Variants in FAM228B observed in about 807,000 individuals in gnomAD.
The protein encoded by FAM228B is family with sequence similarity 228 member B, also known as protein FAM228B.
In FAM228B, 38 loss-of-function variants were observed where a neutral mutation model predicts 42.6. That is an observed-to-expected ratio of 0.89 (90% CI 0.69 to 1.17). The LOEUF is 1.17. FAM228B is among the 50% of genes most tolerant of loss of function. The probability of loss-of-function intolerance (pLI) is 0.00; values close to 1 mark genes in which losing one functional copy is unlikely to be tolerated. For missense variants in FAM228B, 344 were observed against 367.3 expected, an observed-to-expected ratio of 0.94 and a Z score of 0.52; for synonymous variants, 109 against 122.3, an observed-to-expected ratio of 0.89 and a Z score of 0.72.
At chr2:24,094,541 A>G (rs1665458689) in intron 2 of FAM228B, among the ~76,000 whole-genome samples, 1 of 152,084 alleles carries the variant, frequency 6.6e-6, no homozygotes, top group Non-Finnish European at 1.5e-5. Context: ...CCGGAGTAAA[A>G]TGTTGTGATC....
chr2:24,112,610 T>C (rs1665816716), intron 3 of FAM228B, among the ~76,000 whole-genome samples: 1 of 152,136 alleles, frequency 6.6e-6, no homozygotes, highest in African/African-American at 2.4e-5. Context: ...CCCAGAAATT[T>C]TCACTTAATG....
At chr2:24,153,309 C>G (rs76185328) in intron 7 of FAM228B, among the ~76,000 whole-genome samples, 5,107 of 152,302 alleles carry the variant, frequency 0.034, 132 homozygotes, top group Middle Eastern at 0.051. Context: ...TGGGTCACTG[C>G]TGAAGCCAGC....
chr2:24,096,271 T>C lies in FAM228B; in HGVS notation c.-121+1042T>C, dbSNP rs1665496051. ...TCGCCAGCAAAGAGACAAAGCTGGA[T>C]GGAGAATGACTTTGACAAGTCGACA... On this transcript the variant is annotated intron_variant, in intron 3 of 10. Transcript: ENST00000613899. 4 of 152,166 alleles carry C rather than the reference T, an allele frequency of 2.6e-5. No homozygotes were observed. In the South Asian group the frequency reaches 6.2e-4, roughly 24 times the overall value. The allele number at this position is 152,166 out of a possible 1,614,324, so 9.4% of individuals were successfully genotyped here. A position where few individuals can be genotyped will look rare whatever the true frequency, so the allele number is the denominator to read the frequency against.
At chr2:24,122,603 G>C (rs948111673), upstream of FAM228B, 9 of 1,060,750 alleles carry the variant, frequency 8.5e-6, no homozygotes, top group African/African-American at 4.7e-5. Flanking sequence ...TAAAAGGCAT[G>C]TGAATACAAA....
At chr2:24,120,025 T>C (rs546134080), upstream of FAM228B, among the ~76,000 whole-genome samples, 15 of 152,146 alleles carry the variant, frequency 9.9e-5, 1 homozygote, top group East Asian at 2.9e-3. Flanking sequence ...TCCCAGCACT[T>C]TGGGAGGCCA....
At chr2:24,089,458 A>G (rs1156511884) in intron 2 of FAM228B, among the ~76,000 whole-genome samples, 1 of 152,206 alleles carries the variant, frequency 6.6e-6, no homozygotes, top group Non-Finnish European at 1.5e-5. Context: ...AAATTACTCC[A>G]TTCTACCCAA....
intron 2 of FAM228B, chr2:24,083,237 CTT>C (rs71395187): frequency 1.5e-6 from 2 of 1,316,750 alleles, no homozygotes; most frequent in East Asian, 2.7e-5. Context: ...AAGATCCCCT[CTT>C]TTTTTTTTCA....
chr2:24,093,757 CA>C (rs1665439639), intron 2 of FAM228B, among the ~76,000 whole-genome samples: 1 of 151,872 alleles, frequency 6.6e-6, no homozygotes, highest in African/African-American at 2.4e-5. Flanking sequence ...CTTGGGACTA[CA>C]GGGGCCCACC....
chr2:24,138,066 A>G lies in FAM228B; in HGVS notation c.326A>G (p.Glu109Gly). 1 of 1,534,458 alleles carries G rather than the reference A, an allele frequency of 6.5e-7. No individual in the cohort carries two copies. The highest frequency in any genetic ancestry group is 8.7e-7 in the Non-Finnish European group (1 of 1,143,186). The stretch of plus-strand genomic sequence containing the variant: ...AAGATTAAAAAAAGGAGGCAAGGGG[A>G]ATTAGATGGCTTTTTAAAACATGTA... ...HKKIKKRRQG[E>G]LDGFLKHVNK... The change falls in exon 4 of 11, where the codon GAA becomes GGA. Residue 109 changes from glutamate to glycine, a missense_variant. By Grantham distance (98) the Glu-to-Gly change is moderately conservative (BLOSUM62 -2). Transcript: ENST00000615575.
intron 3 of FAM228B, among the ~76,000 whole-genome samples, chr2:24,110,636 C>T (rs543236334): frequency 2.3e-3 from 357 of 152,304 alleles, no homozygotes; most frequent in African/African-American, 8.3e-3. Flanking sequence ...TTCTGTGCCC[C>T]CGCCCTATAC....
In FAM228B at chr2:24,138,116, T is replaced by C. The variant is rs1482104026; in HGVS notation, c.360+16T>C. 6.6e-7 allele frequency: 1 copy of C among 1,504,300 alleles called. No homozygotes were observed. The highest frequency in any genetic ancestry group is 8.9e-7 in the Non-Finnish European group (1 of 1,126,872). The allele number at this position is 1,504,300 out of a possible 1,614,324, so 93.2% of individuals were successfully genotyped here. ...AAATAAAAAGGTACTAAGAGATCATTTGATGCTTTTTTCAGTTGATTTAGA... is the reference window on the plus strand; with the variant it reads ...AAATAAAAAGGTACTAAGAGATCATCTGATGCTTTTTTCAGTTGATTTAGA... On this transcript the variant is annotated intron_variant, in intron 4 of 10. Transcript: ENST00000615575.
At chr2:24,086,263 A>G (rs1432797425) in intron 2 of FAM228B, among the ~76,000 whole-genome samples, 1 of 151,686 alleles carries the variant, frequency 6.6e-6, no homozygotes, top group Non-Finnish European at 1.5e-5. Context: ...GGAATTTTAG[A>G]AGGAGGAAGA....
At chr2:24,124,248 G>T (rs968272497) in intron 1 of FAM228B, 82 bp from the exon 2 acceptor site, 67 of 691,474 alleles carry the variant, frequency 9.7e-5, no homozygotes, top group Admixed American at 8.0e-4. Flanking sequence ...TTTTGCGTGT[G>T]TGCAAGGACA....
rs1363706622 is a variant in FAM228B, at chr2:24,167,889, G to A, written c.*14+206G>A. 3 of 507,806 alleles carry A rather than the reference G, an allele frequency of 5.9e-6. No individual in the cohort carries two copies. The Admixed American group carries it at 9.8e-5, about 17-fold the overall frequency. The allele number at this position is 507,806 out of a possible 1,614,324, so 31.5% of individuals were successfully genotyped here. On this transcript the variant is annotated intron_variant, in intron 10 of 10. Transcript: ENST00000615575. ...GGCTTGGCAGGGGTTTGAAGCTAGTGGTTTTTCTCATGGGGCACTTCCAAG... is the reference window on the plus strand; with the variant it reads ...GGCTTGGCAGGGGTTTGAAGCTAGTAGTTTTTCTCATGGGGCACTTCCAAG...
At chr2:24,125,426 C>T (rs1479598569) in intron 2 of FAM228B, among the ~76,000 whole-genome samples, 4 of 152,130 alleles carry the variant, frequency 2.6e-5, no homozygotes, top group African/African-American at 9.7e-5. Flanking sequence ...TGTATACACA[C>T]GAAAACATCA....
At chr2:24,167,953 A>T in intron 10 of FAM228B, 1 of 382,376 alleles carries the variant, frequency 2.6e-6, no homozygotes. Context: ...GGAATTTCTC[A>T]CCGGATTTCT....
intron 7 of FAM228B, among the ~76,000 whole-genome samples, chr2:24,156,492 G>A (rs1667148978): frequency 6.6e-6 from 1 of 152,126 alleles, no homozygotes; most frequent in Non-Finnish European, 1.5e-5. Context: ...AAATCAGCCA[G>A]GCATGGTGGC....
chr2:24,137,608 T>C (rs1372636602), intron 3 of FAM228B, among the ~76,000 whole-genome samples: 1 of 152,198 alleles, frequency 6.6e-6, no homozygotes, highest in Non-Finnish European at 1.5e-5. Context: ...TTCTCTAGCT[T>C]CACCCTCCCA....
At chr2:24,154,525 C>T (rs1667090116) in intron 7 of FAM228B, among the ~76,000 whole-genome samples, 1 of 152,200 alleles carries the variant, frequency 6.6e-6, no homozygotes, top group South Asian at 2.1e-4. Context: ...CTTATCTTTT[C>T]ATTCTCTTAA....
Sources: allele counts gnomAD v4.1 joint callset (sites outside exome capture counted in the v4.1 genomes callset), GRCh38; gene constraint gnomAD v4.1.1; transcripts MANE v1.5; gene names NCBI Gene and HGNC (gene_info 2026-07-23, HGNC 2026-07-21).